The following KANK1 variants were observed in gnomAD, a reference collection of about 807,000 sequenced individuals.
The protein encoded by KANK1 is KN motif and ankyrin repeat domain-containing protein 1.
KANK1 carries 109 observed loss-of-function variants against 106.2 expected under a neutral mutation model. The observed-to-expected ratio is 1.03, with a 90% CI of 0.88 to 1.20. The LOEUF (loss-of-function observed/expected upper bound fraction) is 1.20. Among genes scored for constraint, KANK1 ranks in the 50% most tolerant of loss-of-function variants. The pLI, the probability that KANK1 is intolerant of heterozygous loss-of-function variation, is 0.00. For synonymous variants in KANK1, 873 were observed against 652.2 expected (o/e 1.34, Z -5.16); for missense variants, 2,399 against 1,710.7 (o/e 1.40, Z -7.10).
intron 1 of KANK1, among the ~76,000 whole-genome samples, chr9:643,751 G>T (rs997535608): frequency 3.3e-5 from 5 of 150,166 alleles, no homozygotes; most frequent in Non-Finnish European, 7.4e-5. Context: ...TGCCCAGGCT[G>T]GAGTGCAGTG....
At chr9:713,610 T>A in intron 3 of KANK1, 146 bp downstream of exon 3, 1 of 891,000 alleles carries the variant, frequency 1.1e-6, no homozygotes, top group Non-Finnish European at 1.6e-6. Flanking sequence ...GAATGAAAAC[T>A]AAGAATCAAA....
intron 10 of KANK1, among the ~76,000 whole-genome samples, chr9:744,133 G>T (rs578186873): frequency 9.9e-5 from 15 of 152,092 alleles, no homozygotes; most frequent in Non-Finnish European, 1.5e-4. Flanking sequence ...AAGATCTTTG[G>T]CAAATTGCAG....
In KANK1 at chr9:712,650, C is replaced by T. The variant is rs777409856; in HGVS notation, c.1884C>T (p.Ile628=). The part of the protein sequence containing the change: ...TNLNLKEVRS[I]GCGDCSVDVT... The stretch of plus-strand genomic sequence containing the variant: ...TGAATCTCAAAGAAGTGCGGTCTAT[C>T]GGTTGTGGAGATTGTTCTGTTGACG... Residue 628 remains isoleucine (I), a synonymous_variant, in exon 3 of 12, where the codon ATC becomes ATT. Coordinates refer to ENST00000382297, the MANE Select transcript of KANK1 (RefSeq NM_015158.5). 6.8e-6 allele frequency: 11 copies of T among 1,614,144 alleles called. No individual in the cohort carries two copies. The highest frequency in any genetic ancestry group is 3.3e-4 in the Middle Eastern group (2 of 6,062).
At chr9:708,483 C>T in intron 2 of KANK1, among the ~76,000 whole-genome samples, 1 of 152,242 alleles carries the variant, frequency 6.6e-6, no homozygotes, top group Non-Finnish European at 1.5e-5. Flanking sequence ...TCACTTCCCA[C>T]ACGTGTTAGA....
At chr9:608,086 GGACTGCA>G (rs1829727380) in intron 1 of KANK1, among the ~76,000 whole-genome samples, 1 of 139,442 alleles carries the variant, frequency 7.2e-6, no homozygotes, top group Admixed American at 7.4e-5. Context: ...GCCGGACTGC[GGACTGCA>G]GTGGCGCAAT....
intron 2 of KANK1, among the ~76,000 whole-genome samples, chr9:701,206 C>G (rs1822572871): frequency 6.6e-6 from 1 of 152,142 alleles, no homozygotes; most frequent in African/African-American, 2.4e-5. Flanking sequence ...CTCTGCCTCA[C>G]AGGTTCAAGC....
intron 1 of KANK1, among the ~76,000 whole-genome samples, chr9:593,922 C>T (rs1825607500): frequency 6.6e-6 from 1 of 151,886 alleles, no homozygotes; most frequent in Non-Finnish European, 1.5e-5. Flanking sequence ...GCTTCCCTCC[C>T]CCAGCCATGG....
chr9:641,747 T>C (rs1838489958), intron 1 of KANK1, among the ~76,000 whole-genome samples: 1 of 152,216 alleles, frequency 6.6e-6, no homozygotes, highest in South Asian at 2.1e-4. Context: ...TGTCTTAACC[T>C]TCAGCTACCA....
chr9:699,372 C>T (rs1270143449), intron 2 of KANK1, among the ~76,000 whole-genome samples: 1 of 152,198 alleles, frequency 6.6e-6, no homozygotes, highest in African/African-American at 2.4e-5. Context: ...TGAAAGAATA[C>T]ATCCATCTTT....
chr9:516,307 A>T (rs2059275353), intron 1 of KANK1, among the ~76,000 whole-genome samples: 1 of 151,634 alleles, frequency 6.6e-6, no homozygotes, highest in African/African-American at 2.4e-5. Flanking sequence ...GAGTAGGAGG[A>T]AAGTTTGCTG....
chr9:522,596 G>A (rs1027336521), intron 1 of KANK1, among the ~76,000 whole-genome samples: 10 of 151,678 alleles, frequency 6.6e-5, no homozygotes, highest in Non-Finnish European at 1.3e-4. Flanking sequence ...CCAGGCCTGG[G>A]ACCCACAGTG....
chr9:524,286 G>A (rs1261342063), intron 1 of KANK1, among the ~76,000 whole-genome samples: 1 of 151,068 alleles, frequency 6.6e-6, no homozygotes, highest in African/African-American at 2.5e-5. Flanking sequence ...TGATTAAGTC[G>A]TTCTGTAGTT....
intron 1 of KANK1, among the ~76,000 whole-genome samples, chr9:647,195 A>C (rs992571290): frequency 6.6e-6 from 1 of 151,038 alleles, no homozygotes; most frequent in Non-Finnish European, 1.5e-5. Flanking sequence ...AGATAAATTC[A>C]TCCATAGTAT....
intron 1 of KANK1, among the ~76,000 whole-genome samples, chr9:540,106 T>C (rs1053885322): frequency 6.6e-5 from 10 of 152,252 alleles, no homozygotes; most frequent in Non-Finnish European, 1.5e-4. Context: ...CATCCTGTTT[T>C]GCTCCTGATC....
At chr9:525,642 A>T (rs2133345074) in intron 1 of KANK1, among the ~76,000 whole-genome samples, 1 of 151,758 alleles carries the variant, frequency 6.6e-6, no homozygotes, top group African/African-American at 2.4e-5. Flanking sequence ...CCGCTTCCCA[A>T]AGTGAGGCAT....
At chr9:516,297 G>A (rs2059274792) in intron 1 of KANK1, among the ~76,000 whole-genome samples, 1 of 151,604 alleles carries the variant, frequency 6.6e-6, no homozygotes, top group African/African-American at 2.4e-5. Context: ...TATACTTCAG[G>A]AGTAGGAGGA....
intron 9 of KANK1, 42 bp downstream of exon 9, chr9:740,976 C>A: frequency 6.2e-7 from 1 of 1,608,116 alleles, no homozygotes; most frequent in South Asian, 1.1e-5. Flanking sequence ...GCACCCGTAA[C>A]CAGCAGACAG....
intron 3 of KANK1, among the ~76,000 whole-genome samples, chr9:726,978 A>C (rs1830843904): frequency 6.6e-6 from 1 of 152,176 alleles, no homozygotes; most frequent in Non-Finnish European, 1.5e-5. Flanking sequence ...TAAAATAAAA[A>C]ATTATTTACC....
chr9:735,354 A>G (rs1833495672), intron 7 of KANK1, among the ~76,000 whole-genome samples: 2 of 152,220 alleles, frequency 1.3e-5, no homozygotes, highest in African/African-American at 4.8e-5. Context: ...CTCGCAGTCT[A>G]AGAAATTCAG....
Sources: gnomAD v4.1 joint callset for allele counts (sites outside exome capture counted in the v4.1 genomes callset) on GRCh38, gnomAD v4.1.1 for gene constraint, MANE v1.5 for transcripts, NCBI Gene and HGNC (gene_info 2026-07-23, HGNC 2026-07-21) for gene names.